PALM2AKAP2: variants seen among roughly 807,000 people sequenced by gnomAD.
PALM2AKAP2 encodes the protein PALM2-AKAP2 fusion protein.
PALM2AKAP2 carries 37 observed loss-of-function variants against 71.5 expected under a neutral mutation model. The observed-to-expected ratio is 0.52, with a 90% CI of 0.40 to 0.68. PALM2AKAP2 has a LOEUF of 0.68. Among genes scored for constraint, PALM2AKAP2 ranks in the 30% least tolerant of loss-of-function variants. The probability of loss-of-function intolerance (pLI) is 0.00; values close to 1 mark genes in which losing one functional copy is unlikely to be tolerated. For synonymous variants in PALM2AKAP2, 468 were observed against 478.8 expected (o/e 0.98, Z 0.29); for missense variants, 1,224 against 1,191.8 (o/e 1.03, Z -0.40).
intron 1 of PALM2AKAP2, among the ~76,000 whole-genome samples, chr9:109,670,302 T>C (rs1361298097): frequency 6.6e-6 from 1 of 152,104 alleles, no homozygotes; most frequent in Non-Finnish European, 1.5e-5. Flanking sequence ...CCAGTGCGTG[T>C]TGTTCCCCTC....
intron 1 of PALM2AKAP2, among the ~76,000 whole-genome samples, chr9:109,727,838 C>A (rs753325219): frequency 7.9e-5 from 12 of 152,194 alleles, no homozygotes; most frequent in Non-Finnish European, 1.5e-4. Context: ...TTCCTTGCTA[C>A]GGGAACACAG....
intron 6 of PALM2AKAP2, chr9:109,945,826 G>A (rs1051710410): frequency 2.0e-5 from 3 of 152,142 alleles, no homozygotes; most frequent in Non-Finnish European, 4.4e-5. Context: ...TACTCATACA[G>A]AAAATGATCT....
At chr9:110,056,643 GA>G (rs1833847860) in intron 1 of PALM2AKAP2, among the ~76,000 whole-genome samples, 1 of 152,212 alleles carries the variant, frequency 6.6e-6, no homozygotes, top group East Asian at 1.9e-4. Flanking sequence ...CATTACAGAT[GA>G]GCAGAATTTA....
chr9:110,127,543 C>T (rs929932776), intron 1 of PALM2AKAP2: 2 of 152,230 alleles, frequency 1.3e-5, no homozygotes, highest in African/African-American at 4.8e-5. Context: ...TCACCCGGGG[C>T]CTCTCCTCTC....
intron 1 of PALM2AKAP2, among the ~76,000 whole-genome samples, chr9:109,678,290 T>C (rs912892952): frequency 5.9e-5 from 9 of 152,230 alleles, no homozygotes; most frequent in Admixed American, 5.9e-4. Context: ...GCAAGGGCCA[T>C]GTAATAGGTA....
chr9:109,672,254 C>T (rs1243411234), intron 1 of PALM2AKAP2, among the ~76,000 whole-genome samples: 2 of 152,066 alleles, frequency 1.3e-5, no homozygotes, highest in Non-Finnish European at 2.9e-5. Context: ...ATAGATGGCT[C>T]TTATGATTTT....
intron 6 of PALM2AKAP2, among the ~76,000 whole-genome samples, chr9:110,010,361 A>G (rs1444048701): frequency 2.6e-5 from 4 of 151,540 alleles, no homozygotes; most frequent in East Asian, 1.9e-4. Context: ...GAGGAATGTA[A>G]GAGGAAAATG....
chr9:109,958,654 GAA>G (rs1404053654), intron 6 of PALM2AKAP2, among the ~76,000 whole-genome samples: 1 of 151,916 alleles, frequency 6.6e-6, no homozygotes, highest in Non-Finnish European at 1.5e-5. Flanking sequence ...CAGAGAGAAA[GAA>G]AAGGAAGAAA....
chr9:109,675,714 A>G (rs539566179), intron 1 of PALM2AKAP2, among the ~76,000 whole-genome samples: 1 of 152,284 alleles, frequency 6.6e-6, no homozygotes, highest in Admixed American at 6.5e-5. Context: ...TTGTTCTTAC[A>G]AAGATGTTCA....
chr9:110,039,711 AGC>A (rs1833479168), intron 7 of PALM2AKAP2, among the ~76,000 whole-genome samples: 1 of 152,184 alleles, frequency 6.6e-6, no homozygotes, highest in Admixed American at 6.5e-5. Context: ...CAGCAGCAGC[AGC>A]AGCACCTATC....
intron 6 of PALM2AKAP2, among the ~76,000 whole-genome samples, chr9:110,012,877 A>G (rs536189035): frequency 2.0e-5 from 3 of 152,356 alleles, no homozygotes; most frequent in African/African-American, 7.2e-5. Flanking sequence ...GAAAACCAAC[A>G]CTTGTGAATG....
chr9:109,741,224 GC>G (rs1828711946), intron 1 of PALM2AKAP2, among the ~76,000 whole-genome samples: 1 of 152,108 alleles, frequency 6.6e-6, no homozygotes, highest in Non-Finnish European at 1.5e-5. Flanking sequence ...AATTATGCAT[GC>G]TTTTGAGTCT....
chr9:109,804,412 C>G (rs1302933074), intron 1 of PALM2AKAP2, among the ~76,000 whole-genome samples: 6 of 152,192 alleles, frequency 3.9e-5, no homozygotes, highest in Non-Finnish European at 7.3e-5. Context: ...ATTTTAATAG[C>G]TTTTTCCTCC....
chr9:109,805,253 G>T (rs558940544), intron 1 of PALM2AKAP2, among the ~76,000 whole-genome samples: 1 of 152,180 alleles, frequency 6.6e-6, no homozygotes, highest in East Asian at 1.9e-4. Context: ...CCAAGCACAG[G>T]GCTCTCCCAG....
At chr9:109,925,075 G>T in exon 5 of PALM2AKAP2, 1 of 1,614,122 alleles carries the variant, frequency 6.2e-7, no homozygotes, top group Non-Finnish European at 8.5e-7. Flanking sequence ...TCTCCAGTAC[G>T]GATGGAGGTA....
intron 1 of PALM2AKAP2, among the ~76,000 whole-genome samples, chr9:109,764,302 T>TCC (rs1180123332): frequency 3.3e-5 from 5 of 151,882 alleles, no homozygotes; most frequent in African/African-American, 7.2e-5. Flanking sequence ...CAGGGCCATC[T>TCC]CCCACCCCCC....
intron 2 of PALM2AKAP2, among the ~76,000 whole-genome samples, chr9:109,876,297 C>A (rs1829720353): frequency 6.6e-6 from 1 of 152,046 alleles, no homozygotes; most frequent in Non-Finnish European, 1.5e-5. Flanking sequence ...ATGTTGGAGA[C>A]AACATAAGGG....
chr9:109,967,186 G>C (rs1262640999), intron 6 of PALM2AKAP2, among the ~76,000 whole-genome samples: 1 of 152,092 alleles, frequency 6.6e-6, no homozygotes, highest in African/African-American at 2.4e-5. Flanking sequence ...TGGGACCTCA[G>C]CTGGGGCTGT....
intron 1 of PALM2AKAP2, among the ~76,000 whole-genome samples, chr9:109,686,748 A>G (rs1367229081): frequency 6.6e-6 from 1 of 151,958 alleles, no homozygotes; most frequent in East Asian, 1.9e-4. Context: ...ACATATGTAT[A>G]CATGTGCCAT....
Sources: allele counts gnomAD v4.1 joint callset (sites outside exome capture counted in the v4.1 genomes callset), GRCh38; gene constraint gnomAD v4.1.1; transcripts MANE v1.5; gene names NCBI Gene and HGNC (gene_info 2026-07-23, HGNC 2026-07-21).